Variants in PALLD observed in about 807,000 individuals in gnomAD.
PALLD encodes the protein palladin, cytoskeletal associated protein, also known as palladin.
A neutral mutation model predicts 123.5 loss-of-function variants in PALLD; 61 were observed. That is an observed-to-expected ratio of 0.49 (90% CI 0.40 to 0.61). The LOEUF is 0.61. PALLD is among the 20% of genes least tolerant of loss of function. The probability of loss-of-function intolerance (pLI) is 0.00; values close to 1 mark genes in which losing one functional copy is unlikely to be tolerated. For synonymous variants in PALLD, 465 were observed against 496.4 expected (o/e 0.94, Z 0.84); for missense variants, 1,273 against 1,377.0 (o/e 0.92, Z 1.20).
At chr4:168,619,015 T>C (rs929139075) in intron 2 of PALLD, among the ~76,000 whole-genome samples, 1 of 152,204 alleles carries the variant, frequency 6.6e-6, no homozygotes, top group Non-Finnish European at 1.5e-5. Context: ...TTAAAGGATG[T>C]GGATGCCGAG....
At chr4:168,647,028 A>G (rs1014311437) in intron 2 of PALLD, among the ~76,000 whole-genome samples, 1 of 152,256 alleles carries the variant, frequency 6.6e-6, no homozygotes. Flanking sequence ...CTCAATGTGC[A>G]TAGCAAAAAT....
intron 2 of PALLD, among the ~76,000 whole-genome samples, chr4:168,654,342 A>AT: frequency 6.6e-6 from 1 of 152,048 alleles, no homozygotes; most frequent in Non-Finnish European, 1.5e-5. Context: ...TCTGAAGCCA[A>AT]TTTTTAAAAG....
chr4:168,553,407 G>C (rs1450362962), intron 2 of PALLD, among the ~76,000 whole-genome samples: 3 of 152,202 alleles, frequency 2.0e-5, no homozygotes, highest in Non-Finnish European at 2.9e-5. Flanking sequence ...AGTCATTAAT[G>C]CAAGTGCTAC....
intron 10 of PALLD, among the ~76,000 whole-genome samples, chr4:168,790,196 C>T (rs1420685973): frequency 6.8e-6 from 1 of 146,414 alleles, no homozygotes; most frequent in African/African-American, 2.5e-5. Context: ...GAGTCTTGCT[C>T]TGTCACCCAG....
intron 2 of PALLD, among the ~76,000 whole-genome samples, chr4:168,641,065 A>G (rs970451632): frequency 1.3e-5 from 2 of 152,098 alleles, no homozygotes; most frequent in African/African-American, 2.4e-5. Context: ...AAAATTAGCC[A>G]GGCGTGGCGG....
intron 10 of PALLD, among the ~76,000 whole-genome samples, chr4:168,785,846 G>GATAGATAGATATATATATAT (rs1554082460): frequency 1.2e-5 from 1 of 80,898 alleles, no homozygotes; most frequent in Non-Finnish European, 2.8e-5. Flanking sequence ...AAACTGTAGA[G>GATAGATAGATATATATATAT]ATATATATAT....
At chr4:168,559,029 A>G (rs1440416729) in intron 2 of PALLD, among the ~76,000 whole-genome samples, 18 of 152,228 alleles carry the variant, frequency 1.2e-4, no homozygotes, top group Admixed American at 1.2e-3. Flanking sequence ...GATTTACCCT[A>G]ATATAGTTTC....
chr4:168,786,129 A>G (rs1191411815), intron 10 of PALLD, among the ~76,000 whole-genome samples: 3 of 151,864 alleles, frequency 2.0e-5, no homozygotes, highest in Non-Finnish European at 4.4e-5. Flanking sequence ...AGAGATTGAG[A>G]CCAGCCTGGC....
At chr4:168,824,659 T>TA (rs564097427) in intron 10 of PALLD, among the ~76,000 whole-genome samples, 77 of 149,898 alleles carry the variant, frequency 5.1e-4, no homozygotes, top group Middle Eastern at 3.4e-3. Context: ...AAATCTTGGG[T>TA]AAAAAAAAAA....
Position 168,624,018 on chromosome 4 carries a change from T to G in PALLD, c.909-44172T>G, listed in dbSNP as rs147269920. 1.6e-3 allele frequency among the ~76,000 whole-genome samples: 237 copies of G among 152,324 alleles called. 2 individuals are homozygous for G. Among genetic ancestry groups the G allele is most frequent in the African/African-American group, 5.2e-3 (218 of 41,572 alleles). On this transcript the variant is annotated intron_variant, in intron 2 of 21. Coordinates refer to ENST00000505667, the MANE Select transcript of PALLD (RefSeq NM_001166108.2). ...CTCCATATTATCTAACATCATTTTT[T>G]CAAGTGGTCAGGAAACATATATGAA...
chr4:168,656,901 A>G (rs1212346464), intron 2 of PALLD, among the ~76,000 whole-genome samples: 1 of 152,254 alleles, frequency 6.6e-6, no homozygotes, highest in Non-Finnish European at 1.5e-5. Context: ...GTTTCAACTC[A>G]GGGGCCAACA....
At chr4:168,513,264 C>T (rs149734881) in intron 2 of PALLD, among the ~76,000 whole-genome samples, 2 of 152,050 alleles carry the variant, frequency 1.3e-5, no homozygotes, top group African/African-American at 4.8e-5. Flanking sequence ...TCAGGAGCTC[C>T]GCAGGTCTGC....
intron 13 of PALLD, among the ~76,000 whole-genome samples, chr4:168,897,634 T>A (rs1261747639): frequency 6.6e-6 from 1 of 152,092 alleles, no homozygotes; most frequent in African/African-American, 2.4e-5. Context: ...AAATTTTTTG[T>A]AGAGATGGGG....
intron 10 of PALLD, among the ~76,000 whole-genome samples, chr4:168,859,150 CTGCATTTCACG>C (rs1244697837): frequency 6.6e-6 from 1 of 152,192 alleles, no homozygotes; most frequent in East Asian, 1.9e-4. Flanking sequence ...CGGGGCTTAC[CTGCATTTCACG>C]TGAGAGAAAA....
chr4:168,815,863 G>A (rs138482828), intron 10 of PALLD, among the ~76,000 whole-genome samples: 1 of 152,302 alleles, frequency 6.6e-6, no homozygotes, highest in African/African-American at 2.4e-5. Context: ...ACAAGTATTG[G>A]GAACAAACTG....
intron 10 of PALLD, among the ~76,000 whole-genome samples, chr4:168,789,548 T>TA (rs1468878779): frequency 6.6e-6 from 1 of 151,832 alleles, no homozygotes; most frequent in Non-Finnish European, 1.5e-5. Context: ...TTACTAAAAA[T>TA]ACAAAAATTA....
intron 1 of PALLD, among the ~76,000 whole-genome samples, chr4:168,509,180 A>AT (rs1411880339): frequency 2.6e-5 from 4 of 151,944 alleles, no homozygotes; most frequent in African/African-American, 4.8e-5. Flanking sequence ...TATACAAATG[A>AT]TTTTTTTTCT....
chr4:168,867,975 A>G (rs1351016189), intron 10 of PALLD, among the ~76,000 whole-genome samples: 1 of 150,944 alleles, frequency 6.6e-6, no homozygotes, highest in Admixed American at 6.6e-5. Context: ...TCCAGCGGCT[A>G]AAATAGTATT....
intron 2 of PALLD, among the ~76,000 whole-genome samples, chr4:168,541,132 C>T (rs969029927): frequency 5.9e-5 from 9 of 152,196 alleles, no homozygotes; most frequent in South Asian, 2.1e-4. Context: ...GTCATATTTA[C>T]GCAGATATGT....
Sources: allele counts gnomAD v4.1 joint callset (sites outside exome capture counted in the v4.1 genomes callset), GRCh38; gene constraint gnomAD v4.1.1; transcripts MANE v1.5; gene names NCBI Gene and HGNC (gene_info 2026-07-23, HGNC 2026-07-21).